Variants in TMCC1 observed in about 807,000 individuals in gnomAD.
TMCC1 encodes transmembrane and coiled-coil domains protein 1.
A neutral mutation model predicts 52.4 loss-of-function variants in TMCC1; 15 were observed. The ratio of observed to expected loss-of-function variants is 0.29; its 90% CI spans 0.19 to 0.44. The LOEUF is 0.44. Ranked by LOEUF, TMCC1 falls within the 20% of genes least tolerant of loss-of-function variation. The probability of loss-of-function intolerance (pLI) is 1.00; values close to 1 mark genes in which losing one functional copy is unlikely to be tolerated. For missense variants in TMCC1, 503 were observed against 806.0 expected, an observed-to-expected ratio of 0.62 and a Z score of 4.55; for synonymous variants, 279 against 301.9, an observed-to-expected ratio of 0.92 and a Z score of 0.79.
chr3:129,678,311 T>C (rs1227738308), intron 4 of TMCC1, among the ~76,000 whole-genome samples: 2 of 151,832 alleles, frequency 1.3e-5, no homozygotes, highest in East Asian at 3.9e-4. Flanking sequence ...GTATACTTGC[T>C]ATGTGCTAAG....
rs142950707 is a variant in TMCC1 at position 129,649,823 on chromosome 3, C to T, written c.*1658G>A. On this transcript the variant is annotated 3_prime_UTR_variant, in exon 7 of 7. Coordinates refer to ENST00000393238, the MANE Select transcript of TMCC1 (RefSeq NM_001017395.5). ...ACTACAAATAATATGGAAAGATTAA[C>T]CAAGCTCTCTAGATAAACTCTAAAT... 1.2e-3 allele frequency: 178 copies of T among 152,488 alleles called. No individual in the cohort carries two copies. Among genetic ancestry groups the T allele is most frequent in the African/African-American group, 3.7e-3 (155 of 41,560 alleles). 9.4% of individuals were successfully genotyped at this position (152,488 alleles called of 1,614,324 possible). A position where few individuals can be genotyped will look rare whatever the true frequency, so the allele number is the denominator to read the frequency against.
intron 4 of TMCC1, among the ~76,000 whole-genome samples, chr3:129,687,070 AAAGGTCAGT>A (rs751978461): frequency 3.8e-4 from 58 of 152,222 alleles, no homozygotes; most frequent in Non-Finnish European, 7.2e-4. Context: ...GCTGAGAGGA[AAAGGTCAGT>A]AAACAGGGAG....
chr3:129,716,528 TAGTAGAGACAG>T (rs2049123398), intron 4 of TMCC1, among the ~76,000 whole-genome samples: 1 of 149,296 alleles, frequency 6.7e-6, no homozygotes. Flanking sequence ...TTTGTACTTT[TAGTAGAGACAG>T]GGTTTCTCCA....
chr3:129,849,969 AT>A (rs1160574975), intron 2 of TMCC1, among the ~76,000 whole-genome samples: 1 of 151,766 alleles, frequency 6.6e-6, no homozygotes, highest in Non-Finnish European at 1.5e-5. Flanking sequence ...ACATGAGCAG[AT>A]TTGTTGTGAA....
intron 5 of TMCC1, among the ~76,000 whole-genome samples, chr3:129,669,350 G>A (rs6762833): frequency 0.014 from 2,187 of 152,284 alleles, 55 homozygotes; most frequent in African/African-American, 0.049. Flanking sequence ...AACTTGACCT[G>A]TAGCTCCCAT....
chr3:129,726,248 T>C (rs2050071175), intron 4 of TMCC1, among the ~76,000 whole-genome samples: 1 of 152,170 alleles, frequency 6.6e-6, no homozygotes, highest in African/African-American at 2.4e-5. Flanking sequence ...TTCGTATTTA[T>C]TCAATAATTC....
At chr3:129,745,969 C>G (rs970282381) in intron 4 of TMCC1, among the ~76,000 whole-genome samples, 11 of 151,424 alleles carry the variant, frequency 7.3e-5, no homozygotes, top group Admixed American at 2.0e-4. Flanking sequence ...GTTGCCCACG[C>G]TGGTCTCAAA....
intron 1 of TMCC1, among the ~76,000 whole-genome samples, chr3:129,892,123 T>C (rs1042018455): frequency 6.6e-6 from 1 of 152,150 alleles, no homozygotes; most frequent in African/African-American, 2.4e-5. Flanking sequence ...CAAATCTTAA[T>C]CAATGCTCAT....
chr3:129,868,958 TC>T (rs1410577536), intron 2 of TMCC1: 2 of 152,212 alleles, frequency 1.3e-5, no homozygotes, highest in Admixed American at 6.5e-5. Flanking sequence ...TTGGTCTTTG[TC>T]CTTGATTCCT....
At chr3:129,672,068 G>A (rs1170899464) in intron 4 of TMCC1, among the ~76,000 whole-genome samples, 2 of 152,158 alleles carry the variant, frequency 1.3e-5, no homozygotes, top group Admixed American at 6.5e-5. Flanking sequence ...GTTAGGCAAG[G>A]GACTCCAAAG....
rs551771674 is a variant in TMCC1, at chr3:129,755,282, C to T, written c.576+72521G>A. Among the ~76,000 whole-genome samples, 495 of 152,132 alleles carry T rather than the reference C, an allele frequency of 3.3e-3. 2 individuals carry two copies. The highest frequency in any genetic ancestry group is 0.011 in the African/African-American group (464 of 41,498). ...CTGGGTGACAGTATCAATCATACCC[C>T]AAACCTCAGCATCATGCAATATACC... On this transcript the variant is annotated intron_variant, in intron 4 of 6. Transcript: ENST00000393238.
At chr3:129,806,135 T>A (rs2057449343) in intron 4 of TMCC1, among the ~76,000 whole-genome samples, 1 of 152,180 alleles carries the variant, frequency 6.6e-6, no homozygotes, top group Non-Finnish European at 1.5e-5. Context: ...CAAGCCTGTA[T>A]CGAAGCCCCT....
At chr3:129,847,444 A>C (rs557504016) in intron 2 of TMCC1, 71 of 152,370 alleles carry the variant, frequency 4.7e-4, no homozygotes, top group African/African-American at 1.7e-3. Flanking sequence ...TACTCTTCTT[A>C]AGTTTGGCTT....
intron 3 of TMCC1, among the ~76,000 whole-genome samples, chr3:129,829,057 G>T (rs1577011076): frequency 6.6e-6 from 1 of 152,180 alleles, no homozygotes; most frequent in East Asian, 1.9e-4. Flanking sequence ...CAAGTTCACT[G>T]GTAACTAGAG....
chr3:129,846,680 A>G (rs979375031), intron 2 of TMCC1, among the ~76,000 whole-genome samples: 13 of 152,048 alleles, frequency 8.5e-5, no homozygotes, highest in Non-Finnish European at 1.9e-4. Context: ...AGGAAATCCA[A>G]GAGTTAAAAC....
chr3:129,682,554 C>G (rs942997837), intron 4 of TMCC1, among the ~76,000 whole-genome samples: 1 of 152,114 alleles, frequency 6.6e-6, no homozygotes, highest in Non-Finnish European at 1.5e-5. Flanking sequence ...TATAGCAGTT[C>G]TGTAGATTTA....
rs756164649 is a variant in TMCC1, at chr3:129,670,323, G to A, written c.1511+7C>T. On this transcript the variant is annotated splice_region_variant and intron_variant, in intron 5 of 6. Transcript: ENST00000393238. ...ATAATTTCAGATATTAATTCCATGT[G>A]ACTTACCTATATCGCTCCTCCTGTA... 6 of 1,609,310 alleles carry A rather than the reference G, an allele frequency of 3.7e-6. No homozygotes were observed. Among genetic ancestry groups the A allele is most frequent in the Admixed American group, 1.7e-5 (1 of 59,472 alleles).
chr3:129,888,313 CATAT>C (rs2061816216), intron 1 of TMCC1, among the ~76,000 whole-genome samples: 1 of 152,170 alleles, frequency 6.6e-6, no homozygotes, highest in South Asian at 2.1e-4. Flanking sequence ...CATATAGAAA[CATAT>C]ATAGATATGT....
intron 2 of TMCC1, among the ~76,000 whole-genome samples, chr3:129,868,490 G>A (rs528563175): frequency 1.2e-4 from 18 of 152,282 alleles, no homozygotes; most frequent in African/African-American, 4.1e-4. Flanking sequence ...CCAGGCTTGA[G>A]TGCAGTGGCG....
Sources: allele counts gnomAD v4.1 joint callset (sites outside exome capture counted in the v4.1 genomes callset), GRCh38; gene constraint gnomAD v4.1.1; transcripts MANE v1.5; gene names NCBI Gene and HGNC (gene_info 2026-07-23, HGNC 2026-07-21).